PAG1: variants seen among roughly 807,000 people sequenced by gnomAD.
PAG1 encodes phosphoprotein associated with glycosphingolipid-enriched microdomains 1.
Under a neutral mutation model 31.7 loss-of-function variants are expected in PAG1, and 23 were observed. The ratio of observed to expected loss-of-function variants is 0.73; its 90% CI spans 0.52 to 1.03. The LOEUF (loss-of-function observed/expected upper bound fraction) is 1.03, where lower values mean the gene tolerates loss of function less well. PAG1 is among the 50% of genes least tolerant of loss of function. PAG1 has a pLI of 0.00. For missense variants in PAG1, 473 were observed against 540.7 expected, an observed-to-expected ratio of 0.87 and a Z score of 1.24; for synonymous variants, 214 against 210.3, an observed-to-expected ratio of 1.02 and a Z score of -0.15.
Position 81,040,306 on chromosome 8 carries a change from T to G in PAG1, c.-174-10217A>C, listed in dbSNP as rs377612169. 4.6e-5 allele frequency among the ~76,000 whole-genome samples: 7 copies of G among 152,340 alleles called. No homozygotes were observed. The East Asian group carries it at 9.6e-4, about 21-fold the overall frequency. ...ATTTAGTGGCAAGGAAACTGAGCCC[T>G]GGCTGTAATCACACGGCTATCTGAG... On this transcript the variant is annotated intron_variant, in intron 2 of 8. Coordinates refer to ENST00000220597, the MANE Select transcript of PAG1 (RefSeq NM_018440.4).
At chr8:81,017,007 T>A (rs1196544491) in intron 3 of PAG1, among the ~76,000 whole-genome samples, 8 of 152,098 alleles carry the variant, frequency 5.3e-5, no homozygotes, top group Non-Finnish European at 1.0e-4. Flanking sequence ...CCCACCAAGA[T>A]CAGCAAAGCT....
At chr8:80,999,647 G>A (rs1001598884) in intron 3 of PAG1, among the ~76,000 whole-genome samples, 5 of 152,164 alleles carry the variant, frequency 3.3e-5, no homozygotes, top group African/African-American at 9.7e-5. Context: ...CAAACCTATC[G>A]ATCTGCACAG....
intron 3 of PAG1, among the ~76,000 whole-genome samples, chr8:81,023,352 A>C (rs553422228): frequency 5.3e-5 from 8 of 152,300 alleles, no homozygotes; most frequent in African/African-American, 1.9e-4. Flanking sequence ...CAATTATATA[A>C]ATTTCAAGCT....
intron 3 of PAG1, among the ~76,000 whole-genome samples, chr8:81,007,530 A>G (rs984516502): frequency 6.9e-6 from 1 of 145,532 alleles, no homozygotes; most frequent in African/African-American, 2.5e-5. Context: ...CCAGCTATTC[A>G]GGAGGCTGGG....
intron 1 of PAG1, among the ~76,000 whole-genome samples, chr8:81,089,307 C>T (rs1033812155): frequency 3.9e-5 from 6 of 152,280 alleles, no homozygotes; most frequent in South Asian, 2.1e-4. Flanking sequence ...CAGTGGCTCA[C>T]GCCTGTAATC....
At chr8:81,099,866 T>C (rs1030634454) in intron 1 of PAG1, among the ~76,000 whole-genome samples, 1 of 152,246 alleles carries the variant, frequency 6.6e-6, no homozygotes, top group Non-Finnish European at 1.5e-5. Context: ...TTTTATGGCA[T>C]GTAAACTAGA....
At chr8:80,979,517 T>C (rs1198003095) in intron 8 of PAG1, among the ~76,000 whole-genome samples, 1 of 152,176 alleles carries the variant, frequency 6.6e-6, no homozygotes, top group Admixed American at 6.5e-5. Context: ...GATAGACAGA[T>C]GGCAGGTCCA....
chr8:81,008,805 TCAGG>T (rs1421551937), intron 3 of PAG1, among the ~76,000 whole-genome samples: 2 of 152,136 alleles, frequency 1.3e-5, no homozygotes, highest in East Asian at 3.9e-4. Flanking sequence ...TGACATGAGC[TCAGG>T]ACTCTATGAG....
intron 3 of PAG1, among the ~76,000 whole-genome samples, chr8:81,016,010 C>T (rs1808066080): frequency 6.6e-6 from 1 of 152,204 alleles, no homozygotes; most frequent in African/African-American, 2.4e-5. Context: ...TAAGCCCACA[C>T]TAGCCTGCTG....
rs1807134037 is a variant in PAG1, at chr8:80,974,152, G to GC, written c.*2391_*2392insG. ...ATTATTTATGAGCTTTCTATAAAAA[G>GC]TTTTTTTTTTTTTTTTTTTTTTACT... On this transcript the variant is annotated 3_prime_UTR_variant, in exon 9 of 9. Coordinates refer to ENST00000220597, the MANE Select transcript of PAG1 (RefSeq NM_018440.4). 1 of 115,378 alleles carries GC rather than the reference G, an allele frequency of 8.7e-6. No individual in the cohort carries two copies. The highest frequency in any genetic ancestry group is 9.5e-5 in the Admixed American group (1 of 10,538). The allele number at this position is 115,378 out of a possible 1,614,324, so 7.1% of individuals were successfully genotyped here.
chr8:81,000,316 C>T (rs1423107204), intron 3 of PAG1, among the ~76,000 whole-genome samples: 1 of 152,078 alleles, frequency 6.6e-6, no homozygotes, highest in Non-Finnish European at 1.5e-5. Flanking sequence ...TCTCAAAATG[C>T]AAGTTTAATT....
intron 2 of PAG1, among the ~76,000 whole-genome samples, chr8:81,068,340 T>C (rs1372883303): frequency 6.6e-6 from 1 of 152,222 alleles, no homozygotes; most frequent in South Asian, 2.1e-4. Flanking sequence ...ATAAAGTCGC[T>C]ACTATTACCA....
At chr8:81,061,927 C>T (rs1336811539) in intron 2 of PAG1, among the ~76,000 whole-genome samples, 1 of 152,000 alleles carries the variant, frequency 6.6e-6, no homozygotes, top group Non-Finnish European at 1.5e-5. Flanking sequence ...GGATGATAGA[C>T]AGCAAATGGG....
intron 2 of PAG1, among the ~76,000 whole-genome samples, chr8:81,052,873 A>G (rs1250596689): frequency 1.3e-5 from 2 of 152,248 alleles, no homozygotes. Context: ...TTTCAGATAA[A>G]GAAACTGAAA....
chr8:81,016,089 G>A (rs1199204553), intron 3 of PAG1, among the ~76,000 whole-genome samples: 1 of 152,196 alleles, frequency 6.6e-6, no homozygotes, highest in Non-Finnish European at 1.5e-5. Flanking sequence ...CTCAGAAGCA[G>A]AGACATCTAG....
At chr8:81,056,220 T>C (rs1382021498) in intron 2 of PAG1, among the ~76,000 whole-genome samples, 1 of 152,190 alleles carries the variant, frequency 6.6e-6, no homozygotes, top group Non-Finnish European at 1.5e-5. Flanking sequence ...AAAAAACTAC[T>C]TTAAAGTTCA....
intron 1 of PAG1, among the ~76,000 whole-genome samples, chr8:81,090,034 A>G (rs1809421141): frequency 6.6e-6 from 1 of 152,190 alleles, no homozygotes; most frequent in Non-Finnish European, 1.5e-5. Context: ...AATTCTCTTC[A>G]CAAAGGGCCA....
intron 3 of PAG1, among the ~76,000 whole-genome samples, chr8:80,997,259 TATA>T (rs1454481150): frequency 1.3e-5 from 2 of 152,238 alleles, no homozygotes; most frequent in Non-Finnish European, 2.9e-5. Flanking sequence ...CATTCAACTA[TATA>T]ATATTACATA....
chr8:80,984,355 C>T (rs1464084723), intron 7 of PAG1, among the ~76,000 whole-genome samples: 1 of 152,052 alleles, frequency 6.6e-6, no homozygotes, highest in Non-Finnish European at 1.5e-5. Context: ...TGAGTTGGTT[C>T]CCATGGTACC....
Sources: gnomAD v4.1 joint callset for allele counts (sites outside exome capture counted in the v4.1 genomes callset) on GRCh38, gnomAD v4.1.1 for gene constraint, MANE v1.5 for transcripts, NCBI Gene and HGNC (gene_info 2026-07-23, HGNC 2026-07-21) for gene names.